Variants in COL12A1 observed in about 807,000 individuals in gnomAD.
COL12A1 encodes the protein collagen type XII alpha 1 chain, also known as collagen alpha-1(XII) chain.
Under a neutral mutation model 349.7 loss-of-function variants are expected in COL12A1, and 114 were observed. That is an observed-to-expected ratio of 0.33 (90% CI 0.28 to 0.38). The LOEUF (loss-of-function observed/expected upper bound fraction) is 0.38, where lower values mean the gene tolerates loss of function less well. Ranked by LOEUF, COL12A1 falls within the 10% of genes least tolerant of loss-of-function variation. COL12A1 has a pLI of 1.00. For missense variants in COL12A1, 3,284 were observed against 3,756.9 expected (o/e 0.87, Z 3.29); for synonymous variants, 1,369 against 1,329.0 (o/e 1.03, Z -0.66).
In COL12A1 at chr6:75,152,396, C is replaced by T. The variant is rs201749138; in HGVS notation, c.3652G>A (p.Val1218Met). ...ACAATACGAGAAATGAAACTCCTCA[C>T]GGTTCTAAAATTTGCCCGGCCGATG... Reference protein sequence around the residue: ...WSIGRANFRTVRSFISRIVEV... With the variant: ...WSIGRANFRTMRSFISRIVEV... The change falls in exon 18 of 66, where the codon GTG becomes ATG. Residue 1218 changes from valine to methionine, a missense_variant. Physicochemically the swap from Val to Met is conservative, Grantham distance 21 (BLOSUM62 1). This residue lies in a region of COL12A1 where 2,601 missense variants were observed against 2,824.8 expected (regional missense o/e 0.92). Transcript: ENST00000322507. The T allele has an allele frequency of 1.1e-4, 173 of 1,613,664 alleles. 1 individual carries two copies. In the East Asian group the frequency reaches 2.7e-3, roughly 25 times the overall value.
intron 51 of COL12A1, among the ~76,000 whole-genome samples, chr6:75,111,208 AAG>A (rs1372347738): frequency 6.6e-6 from 1 of 151,944 alleles, no homozygotes; most frequent in African/African-American, 2.4e-5. Flanking sequence ...GAGGAGAAAA[AAG>A]AGCACAGTGG....
intron 52 of COL12A1, among the ~76,000 whole-genome samples, chr6:75,107,115 G>A (rs956305872): frequency 1.3e-4 from 20 of 151,410 alleles, no homozygotes; most frequent in Non-Finnish European, 2.4e-4. Flanking sequence ...CTGTTGGCCA[G>A]GCTGGTCTTG....
At chr6:75,119,518 TTA>T (rs1769251093) in intron 44 of COL12A1, 45 bp from the exon 45 acceptor site, 1 of 1,559,474 alleles carries the variant, frequency 6.4e-7, no homozygotes, top group Non-Finnish European at 8.7e-7. Flanking sequence ...TCATCTCATT[TTA>T]TGTTTCAATC....
rs1769937071 is a variant in COL12A1 at position 75,191,688 on chromosome 6, G to A, written c.394+13C>T. 1.9e-6 allele frequency: 3 copies of A among 1,587,842 alleles called. No individual in the cohort carries two copies. The South Asian group carries it at 3.4e-5, about 18-fold the overall frequency. ...CCATGAATCTAAGCAAAAATAGTAA[G>A]AGAAACACTCACTTTGTATCTCGGT... is the stretch of plus-strand genomic sequence containing the variant. On this transcript the variant is annotated intron_variant, in intron 5 of 65. Coordinates refer to ENST00000322507, the MANE Select transcript of COL12A1 (RefSeq NM_004370.6).
intron 3 of COL12A1, among the ~76,000 whole-genome samples, chr6:75,194,395 T>C (rs969799014): frequency 2.0e-5 from 3 of 152,206 alleles, no homozygotes; most frequent in African/African-American, 7.2e-5. Context: ...CATGGTTGTT[T>C]ACCATTATCA....
chr6:75,117,350 G>A (rs752504540), intron 47 of COL12A1, 32 bp downstream of exon 47: 2 of 1,603,918 alleles, frequency 1.2e-6, no homozygotes. Flanking sequence ...CAGAATAAGT[G>A]AGGTTATAGA....
At position 75,147,685 on chromosome 6, in the gene COL12A1, T is replaced by C; in HGVS notation, c.4407A>G (p.Thr1469=). The part of the protein sequence containing the change: ...EDEYSEPLKG[T]EKTLPVPVVS... ...TTTAATCTGACTCACAGGTTTTTTC[T>C]GTCCCCTTCAGAGGCTCACTATATT... The change falls in exon 23 of 66, where the codon ACA becomes ACG. Residue 1469 remains threonine (T), a synonymous_variant. Transcript: ENST00000322507. 1 of 1,603,130 alleles carries C rather than the reference T, an allele frequency of 6.2e-7. No individual in the cohort carries two copies. Among genetic ancestry groups the C allele is most frequent in the Non-Finnish European group, 8.5e-7 (1 of 1,176,404 alleles).
At chr6:75,133,224 C>A in intron 34 of COL12A1, 69 bp downstream of exon 34, 10 of 1,359,824 alleles carry the variant, frequency 7.4e-6, no homozygotes, top group South Asian at 2.0e-5. Context: ...CTTTAATGGG[C>A]CTTTATGGTC....
At chr6:75,129,272 T>G (rs1309517648) in intron 37 of COL12A1, among the ~76,000 whole-genome samples, 1 of 152,280 alleles carries the variant, frequency 6.6e-6, no homozygotes, top group East Asian at 1.9e-4. Flanking sequence ...AAATAGGGAC[T>G]TGAATTAAAG....
chr6:75,141,453 G>A (rs1766886675), intron 27 of COL12A1, among the ~76,000 whole-genome samples: 1 of 152,142 alleles, frequency 6.6e-6, no homozygotes, highest in Admixed American at 6.5e-5. Context: ...GCAGGGTCTG[G>A]GCAGGCTGCC....
intron 43 of COL12A1, 106 bp from the exon 44 acceptor site, chr6:75,121,547 G>T: frequency 7.7e-7 from 1 of 1,295,112 alleles, no homozygotes; most frequent in South Asian, 2.0e-5. Context: ...CGCAAAGTGT[G>T]GTTCTGCAGC....
At chr6:75,087,157 T>C (rs1254033320) in intron 65 of COL12A1, 2 of 175,690 alleles carry the variant, frequency 1.1e-5, no homozygotes, top group Non-Finnish European at 2.4e-5. Context: ...CTATGTTCAG[T>C]TGTCTACACC....
At chr6:75,100,777 AC>A (rs1293452413) in intron 58 of COL12A1, among the ~76,000 whole-genome samples, 1 of 152,218 alleles carries the variant, frequency 6.6e-6, no homozygotes, top group African/African-American at 2.4e-5. Context: ...CTGTTATAGT[AC>A]TGGCTTCCTC....
At chr6:75,114,922 G>A (rs1163234471) in intron 49 of COL12A1, among the ~76,000 whole-genome samples, 1 of 152,000 alleles carries the variant, frequency 6.6e-6, no homozygotes, top group South Asian at 2.1e-4. Context: ...GAAATCATAC[G>A]CTGAGCTGAC....
At chr6:75,190,083 C>T (rs1398066507) in intron 5 of COL12A1, among the ~76,000 whole-genome samples, 1 of 151,930 alleles carries the variant, frequency 6.6e-6, no homozygotes, top group East Asian at 1.9e-4. Flanking sequence ...ATAAATAGAT[C>T]TATAATCTGC....
intron 65 of COL12A1, chr6:75,087,319 C>A: frequency 4.7e-6 from 2 of 422,998 alleles, no homozygotes; most frequent in Non-Finnish European, 8.2e-6. Flanking sequence ...CTTTGAAGTC[C>A]CAAGAGAAGT....
chr6:75,093,453 T>C (rs1767864991), intron 60 of COL12A1, among the ~76,000 whole-genome samples: 2 of 152,178 alleles, frequency 1.3e-5, no homozygotes, highest in Admixed American at 1.3e-4. Flanking sequence ...TATACCTATA[T>C]GCTATGTTTG....
chr6:75,154,327 T>C (rs924656916), intron 17 of COL12A1, 89 bp downstream of exon 17: 107 of 1,361,026 alleles, frequency 7.9e-5, no homozygotes, highest in Non-Finnish European at 1.9e-6. Flanking sequence ...ATTTGTATCA[T>C]TGTTTTCCAT....
intron 17 of COL12A1, 104 bp downstream of exon 17, chr6:75,154,307 TTAGTG>T (rs1767641836): frequency 6.4e-6 from 8 of 1,255,096 alleles, no homozygotes; most frequent in Non-Finnish European, 7.4e-6. Flanking sequence ...GAAATAAATT[TTAGTG>T]TAAAATTTGT....
Sources: gnomAD v4.1 joint callset for allele counts (sites outside exome capture counted in the v4.1 genomes callset) on GRCh38, gnomAD v4.1.1 for gene constraint, gnomAD v4.1.1 regional missense constraint, MANE v1.5 for transcripts, NCBI Gene and HGNC (gene_info 2026-07-23, HGNC 2026-07-21) for gene names.